ASIC2: variants seen among roughly 807,000 people sequenced by gnomAD.
ASIC2 encodes the protein acid-sensing ion channel 2.
A neutral mutation model predicts 57.3 loss-of-function variants in ASIC2; 25 were observed. The observed-to-expected ratio is 0.44, with a 90% CI of 0.32 to 0.61. The LOEUF is 0.61. ASIC2 is among the 20% of genes least tolerant of loss of function. The probability of loss-of-function intolerance (pLI) is 0.06; values close to 1 mark genes in which losing one functional copy is unlikely to be tolerated. For missense variants in ASIC2, 641 were observed against 738.1 expected (o/e 0.87, Z 1.52); for synonymous variants, 319 against 307.5 (o/e 1.04, Z -0.39).
At chr17:33,637,094 C>A (rs1906396408) in intron 1 of ASIC2, among the ~76,000 whole-genome samples, 1 of 152,000 alleles carries the variant, frequency 6.6e-6, no homozygotes, top group East Asian at 1.9e-4. Flanking sequence ...TGATTTTTTT[C>A]TAAGCTCCCT....
chr17:33,861,171 A>T (rs2141923792), intron 1 of ASIC2, among the ~76,000 whole-genome samples: 1 of 152,370 alleles, frequency 6.6e-6, no homozygotes, highest in Middle Eastern at 3.4e-3. Context: ...GCAGAATATT[A>T]AAAACAATCT....
chr17:33,676,330 T>A (rs935318358), intron 1 of ASIC2, among the ~76,000 whole-genome samples: 1 of 152,234 alleles, frequency 6.6e-6, no homozygotes, highest in Non-Finnish European at 1.5e-5. Context: ...CTAGAAATGA[T>A]TATGCTTAGT....
chr17:33,852,171 G>T (rs1031741812), intron 1 of ASIC2, among the ~76,000 whole-genome samples: 2 of 152,238 alleles, frequency 1.3e-5, no homozygotes, highest in Non-Finnish European at 2.9e-5. Flanking sequence ...ATCAAGTAAG[G>T]CTGTTTTTTA....
chr17:33,351,714 A>C (rs145851002), intron 1 of ASIC2, among the ~76,000 whole-genome samples: 1 of 152,228 alleles, frequency 6.6e-6, no homozygotes, highest in Non-Finnish European at 1.5e-5. Flanking sequence ...CTCACAGAAA[A>C]TTTTCAGGGG....
At chr17:34,017,435 A>C (rs1907014526) in intron 1 of ASIC2, among the ~76,000 whole-genome samples, 1 of 152,194 alleles carries the variant, frequency 6.6e-6, no homozygotes, top group Non-Finnish European at 1.5e-5. Context: ...AGAACCCTAC[A>C]ATGCTTTCTA....
intron 1 of ASIC2, among the ~76,000 whole-genome samples, chr17:33,821,749 T>A (rs1320268733): frequency 6.6e-6 from 1 of 152,238 alleles, no homozygotes; most frequent in East Asian, 1.9e-4. Flanking sequence ...TTTCGGTAAC[T>A]GTTTCACTTG....
intron 1 of ASIC2, among the ~76,000 whole-genome samples, chr17:33,232,406 A>AATGGTATGGTATGGTATGGG (rs1567792695): frequency 4.4e-5 from 6 of 136,048 alleles, no homozygotes; most frequent in Non-Finnish European, 6.3e-5. Context: ...TATGGTATGG[A>AATGGTATGGTATGGTATGGG]ATGGTATGGT....
At chr17:34,032,535 G>A (rs890836324) in intron 1 of ASIC2, among the ~76,000 whole-genome samples, 3 of 152,128 alleles carry the variant, frequency 2.0e-5, no homozygotes, top group Non-Finnish European at 2.9e-5. Flanking sequence ...ATGTAAATGG[G>A]CTAAATTCTC....
intron 1 of ASIC2, among the ~76,000 whole-genome samples, chr17:33,225,694 G>A (rs1232445268): frequency 6.6e-6 from 1 of 152,206 alleles, no homozygotes; most frequent in Non-Finnish European, 1.5e-5. Flanking sequence ...TGAGCAGCCA[G>A]CCAAGGCTTG....
chr17:33,284,986 T>C (rs1395665875), intron 1 of ASIC2, among the ~76,000 whole-genome samples: 1 of 152,238 alleles, frequency 6.6e-6, no homozygotes, highest in African/African-American at 2.4e-5. Flanking sequence ...ACTCAGTGCC[T>C]GGCACACAGT....
At chr17:33,745,329 G>A (rs551438082) in intron 1 of ASIC2, among the ~76,000 whole-genome samples, 1 of 152,078 alleles carries the variant, frequency 6.6e-6, no homozygotes, top group East Asian at 1.9e-4. Flanking sequence ...CTCTGGGTTG[G>A]GGGAGGTCAA....
At chr17:33,044,120 C>T (rs2091940929) in intron 3 of ASIC2, among the ~76,000 whole-genome samples, 1 of 152,074 alleles carries the variant, frequency 6.6e-6, no homozygotes, top group African/African-American at 2.4e-5. Flanking sequence ...TTATCTTGGG[C>T]CTTGCTGGCT....
In ASIC2 at chr17:33,649,663, T is replaced by C. The variant is rs74925398; in HGVS notation, c.555+506315A>G. The stretch of plus-strand genomic sequence containing the variant: ...TACATTAATCAAAACTGTGCAGTAT[T>C]GGTGGAGGAATAGACACACATATTA... On this transcript the variant is annotated intron_variant, in intron 1 of 9. Coordinates refer to the ASIC2 transcript ENST00000359872. Among the ~76,000 whole-genome samples the C allele has an allele frequency of 6.4e-3, 977 of 152,312 alleles. 9 individuals carry two copies. Among genetic ancestry groups the C allele is most frequent in the African/African-American group, 0.022 (929 of 41,552 alleles).
intron 1 of ASIC2, among the ~76,000 whole-genome samples, chr17:33,827,337 C>CTTGTTTTTTTTTTTTTTTTTT (rs1912954396): frequency 1.3e-5 from 1 of 76,536 alleles, no homozygotes; most frequent in Non-Finnish European, 2.6e-5. Context: ...GCAGCTCACT[C>CTTGTTTTTTTTTTTTTTTTTT]TTTTTTTTTT....
intron 1 of ASIC2, among the ~76,000 whole-genome samples, chr17:33,459,685 C>T (rs1056368107): frequency 4.7e-4 from 71 of 152,188 alleles, no homozygotes; most frequent in Non-Finnish European, 1.2e-4. Flanking sequence ...AACACCCCTT[C>T]GTCAGTGCAG....
chr17:33,922,647 A>G (rs1269577914), intron 1 of ASIC2, among the ~76,000 whole-genome samples: 2 of 152,208 alleles, frequency 1.3e-5, no homozygotes, highest in East Asian at 3.9e-4. Flanking sequence ...CACATATAAT[A>G]TCATTATATT....
At chr17:33,961,229 G>A (rs533722119) in intron 1 of ASIC2, among the ~76,000 whole-genome samples, 1 of 152,330 alleles carries the variant, frequency 6.6e-6, no homozygotes, top group African/African-American at 2.4e-5. Context: ...CATGAACCAA[G>A]TGCATAAGAG....
chr17:33,902,006 G>A (rs1279322169), intron 1 of ASIC2, among the ~76,000 whole-genome samples: 1 of 152,124 alleles, frequency 6.6e-6, no homozygotes, highest in Non-Finnish European at 1.5e-5. Flanking sequence ...CACTAGAAAA[G>A]CTAGAAATGA....
At chr17:33,209,705 G>A (rs1270741543) in intron 1 of ASIC2, among the ~76,000 whole-genome samples, 1 of 152,232 alleles carries the variant, frequency 6.6e-6, no homozygotes, top group Non-Finnish European at 1.5e-5. Flanking sequence ...CCCAAGTTAA[G>A]TGCCCCATAA....
Sources: allele counts gnomAD v4.1 joint callset (sites outside exome capture counted in the v4.1 genomes callset), GRCh38; gene constraint gnomAD v4.1.1; transcripts MANE v1.5; gene names NCBI Gene and HGNC (gene_info 2026-07-23, HGNC 2026-07-21).